The following CT55 variants were observed in gnomAD, a reference collection of about 807,000 sequenced individuals.
CT55 encodes the protein BRCA2-interacting protein.
Under a neutral mutation model 12.6 loss-of-function variants are expected in CT55, and 1 was observed. That is an observed-to-expected ratio of 0.08 (90% CI 0.03 to 0.38). The LOEUF (loss-of-function observed/expected upper bound fraction) is 0.38, where lower values mean the gene tolerates loss of function less well. Ranked by LOEUF, CT55 falls within the 10% of genes least tolerant of loss-of-function variation. CT55 has a pLI of 0.99. For synonymous variants in CT55, 43 were observed against 49.7 expected, an observed-to-expected ratio of 0.87 and a Z score of 0.57; for missense variants, 109 against 135.4, an observed-to-expected ratio of 0.80 and a Z score of 0.97.
At chrX:135,171,447 C>T (rs1356671999), upstream of CT55, 14 of 325,200 alleles carry the variant, frequency 4.3e-5, no homozygotes, top group African/African-American at 1.6e-4. Context: ...AACCAATGGG[C>T]GTGCAGTGGG....
At chrX:135,161,346 A>G (rs1226133171) in intron 2 of CT55, among the ~76,000 whole-genome samples, 2 of 111,865 alleles carry the variant, frequency 1.8e-5, no homozygotes, top group African/African-American at 6.5e-5. Flanking sequence ...AAAAGCAGTT[A>G]CCCCACAATC....
At chrX:135,160,333 C>T in intron 3 of CT55, 78 bp downstream of exon 3, 2 of 1,044,793 alleles carry the variant, frequency 1.9e-6, no homozygotes, top group South Asian at 4.6e-5. Flanking sequence ...GCCAAGTACA[C>T]TGTAAAAGTT....
At chrX:135,167,408 G>A (rs2083590721) in intron 2 of CT55, among the ~76,000 whole-genome samples, 1 of 111,600 alleles carries the variant, frequency 9.0e-6, no homozygotes, top group African/African-American at 3.3e-5. Flanking sequence ...TGAGAAAAAT[G>A]AATTTCCACC....
At position 135,166,633 on chromosome X, in the gene CT55, G is replaced by C. The variant is rs371074070; in HGVS notation, c.279+2961C>G. Among the ~76,000 whole-genome samples, 36 of 111,661 alleles carry C rather than the reference G, an allele frequency of 3.2e-4. 1 individual carries two copies. The South Asian group carries it at 0.013, about 40-fold the overall frequency. On this transcript the variant is annotated intron_variant, in intron 2 of 5. Transcript: ENST00000276241. ...GAAATTAGGCAAGAAGAAACAAAAG[G>C]CATCTAAATTCAAAAGGAAGAATTT...
chrX:135,171,557 A>G (rs782221261), upstream of CT55, among the ~76,000 whole-genome samples: 23 of 111,846 alleles, frequency 2.1e-4, no homozygotes, highest in African/African-American at 7.5e-4. Context: ...CCTGGGGAAA[A>G]TGGCTTGGGA....
chrX:135,169,870 G>A lies in CT55; in HGVS notation c.95-92C>T, dbSNP rs185863274. 24 of 561,398 alleles carry A rather than the reference G, an allele frequency of 4.3e-5. No individual in the cohort carries two copies. In the African/African-American group the frequency reaches 4.8e-4, roughly 11 times the overall value. 46.3% of individuals were successfully genotyped at this position (561,398 alleles called of 1,213,427 possible). ...TACACTCACCATCTGCATAACCCTG[G>A]GCAGAGAAGTTTTATAACGTCTCTG... On this transcript the variant is annotated intron_variant, in intron 1 of 5. Transcript: ENST00000276241.
rs782371793 is a variant in CT55 at position 135,169,667 on chromosome X, G to C, written c.206C>G (p.Pro69Arg). The C allele has an allele frequency of 8.3e-7, 1 of 1,206,807 alleles. No homozygotes were observed. The highest frequency in any genetic ancestry group is 2.2e-5 in the Admixed American group (1 of 45,717). The change falls in exon 2 of 6, where the codon CCT becomes CGT. Residue 69 changes from proline (P) to arginine (R), a missense_variant. Coordinates refer to ENST00000276241, the MANE Select transcript of CT55 (RefSeq NM_001031705.3). Reference sequence around the variant, plus strand: ...ATTAACTTTTTGTCCAACTTTTAGAGGCACGTTGCCAGTCACAACATCACT... The same window carrying C: ...ATTAACTTTTTGTCCAACTTTTAGACGCACGTTGCCAGTCACAACATCACT... Reference protein sequence around the residue: ...FSSDVVTGNVPLKVGQKVNVV... With the variant: ...FSSDVVTGNVRLKVGQKVNVV...
chrX:135,166,362 G>T (rs534686763), intron 2 of CT55, among the ~76,000 whole-genome samples: 1 of 111,552 alleles, frequency 9.0e-6, no homozygotes, highest in Non-Finnish European at 1.9e-5. Context: ...AAAGCCATAG[G>T]TTCATTCCAA....
chrX:135,170,540 C>T (rs1412956339), intron 1 of CT55, among the ~76,000 whole-genome samples: 1 of 111,403 alleles, frequency 9.0e-6, no homozygotes, highest in African/African-American at 3.3e-5. Flanking sequence ...TAGCCCAAAA[C>T]GGCATCTGAA....
chrX:135,161,423 T>G (rs1603273874), intron 2 of CT55, among the ~76,000 whole-genome samples: 1 of 112,290 alleles, frequency 8.9e-6, no homozygotes, highest in East Asian at 2.8e-4. Flanking sequence ...CTGATGTTTT[T>G]GTCTGTGCAC....
chrX:135,168,694 A>G (rs1168945915), intron 2 of CT55, among the ~76,000 whole-genome samples: 1 of 111,592 alleles, frequency 9.0e-6, no homozygotes, highest in Admixed American at 9.5e-5. Context: ...AAACCACTAG[A>G]TTGTTCCCTC....
chrX:135,169,609 T>C lies in CT55; in HGVS notation c.264A>G (p.Gly88=). ...VVVEEDKPHY[G]LRAIKVDVVP... Reference sequence around the variant, plus strand: ...CACATCTCACCTTGATTGCTCTCAATCCATAATGTGGTTTATCTTCTTCCA... The same window carrying C: ...CACATCTCACCTTGATTGCTCTCAACCCATAATGTGGTTTATCTTCTTCCA... Residue 88 remains glycine, a synonymous_variant, in exon 2 of 6, where the codon GGA becomes GGG. Coordinates refer to ENST00000276241, the MANE Select transcript of CT55 (RefSeq NM_001031705.3). 2 of 1,206,718 alleles carry C rather than the reference T, an allele frequency of 1.7e-6. No homozygotes were observed. Among genetic ancestry groups the C allele is most frequent in the Non-Finnish European group, 2.2e-6 (2 of 892,789 alleles).
At chrX:135,171,672 G>A (rs2148446125), upstream of CT55, among the ~76,000 whole-genome samples, 1 of 111,534 alleles carries the variant, frequency 9.0e-6, no homozygotes, top group African/African-American at 3.3e-5. Context: ...TCCTGCTCCT[G>A]CCCTTGTATT....
At chrX:135,162,577 A>T (rs187934681) in intron 2 of CT55, among the ~76,000 whole-genome samples, 1 of 112,006 alleles carries the variant, frequency 8.9e-6, no homozygotes, top group African/African-American at 3.3e-5. Context: ...TAGTAAGGAC[A>T]GTTTTACATT....
At chrX:135,160,345 T>A in intron 3 of CT55, 66 bp downstream of exon 3, 1 of 1,083,757 alleles carries the variant, frequency 9.2e-7, no homozygotes, top group Non-Finnish European at 1.2e-6. Flanking sequence ...GTAAAAGTTG[T>A]TCCAGGACTA....
intron 2 of CT55, among the ~76,000 whole-genome samples, chrX:135,162,214 G>A (rs1386434237): frequency 3.5e-5 from 4 of 112,677 alleles, no homozygotes; most frequent in Non-Finnish European, 7.5e-5. Flanking sequence ...CACATGAAAA[G>A]CAAACCCAGG....
At chrX:135,165,868 G>A (rs1158751154) in intron 2 of CT55, among the ~76,000 whole-genome samples, 1 of 108,779 alleles carries the variant, frequency 9.2e-6, no homozygotes, top group African/African-American at 3.3e-5. Context: ...AGATGTAATG[G>A]TGAAGAAATG....
rs782550789 is a variant in CT55 at position 135,159,775 on chromosome X, C to A, written c.424+636G>T. 3.6e-5 allele frequency among the ~76,000 whole-genome samples: 4 copies of A among 112,015 alleles called. No homozygotes were observed. In the South Asian group the frequency reaches 1.5e-3, roughly 42 times the overall value. On this transcript the variant is annotated intron_variant, in intron 3 of 5. Coordinates refer to ENST00000276241, the MANE Select transcript of CT55 (RefSeq NM_001031705.3). ...CTGCTTTTGCACCCAAGAAAACAAACTAGCAAGCTGCCTGGGGAAGCGGAG... is the reference window on the plus strand; with the variant it reads ...CTGCTTTTGCACCCAAGAAAACAAAATAGCAAGCTGCCTGGGGAAGCGGAG...
Position 135,169,627 on chromosome X carries a change from T to G in CT55, c.246A>C (p.Glu82Asp), listed in dbSNP as rs1556406470. Residue 82 changes from glutamate (E) to aspartate (D), a missense_variant, in exon 2 of 6, where the codon GAA becomes GAC. Glu to Asp is a conservative substitution (Grantham distance 45, BLOSUM62 2). Coordinates refer to ENST00000276241, the MANE Select transcript of CT55 (RefSeq NM_001031705.3). ...VGQKVNVVVE[E>D]DKPHYGLRAI... ...CTCTCAATCCATAATGTGGTTTATC[T>G]TCTTCCACAACCACATTAACTTTTT... 6 of 1,209,358 alleles carry G rather than the reference T, an allele frequency of 5.0e-6. No homozygotes were observed. The South Asian group carries it at 1.1e-4, about 21-fold the overall frequency.
Sources: gnomAD v4.1 joint callset for allele counts (sites outside exome capture counted in the v4.1 genomes callset) on GRCh38, gnomAD v4.1.1 for gene constraint, MANE v1.5 for transcripts, NCBI Gene and HGNC (gene_info 2026-07-23, HGNC 2026-07-21) for gene names.